Variants in LRP1B observed in about 807,000 individuals in gnomAD.
The protein encoded by LRP1B is low-density lipoprotein receptor-related protein 1B.
Under a neutral mutation model 556.6 loss-of-function variants are expected in LRP1B, and 217 were observed. The observed-to-expected ratio is 0.39, with a 90% CI of 0.35 to 0.44. The LOEUF (loss-of-function observed/expected upper bound fraction) is 0.44. Ranked by LOEUF, LRP1B falls within the 20% of genes least tolerant of loss-of-function variation. The pLI, the probability that LRP1B is intolerant of heterozygous loss-of-function variation, is 1.00. For missense variants in LRP1B, 5,053 were observed against 5,620.8 expected (o/e 0.90, Z 3.23); for synonymous variants, 2,047 against 1,865.8 (o/e 1.10, Z -2.50).
At chr2:140,773,294 G>A (rs958972824) in intron 33 of LRP1B, among the ~76,000 whole-genome samples, 17 of 152,092 alleles carry the variant, frequency 1.1e-4, no homozygotes, top group Middle Eastern at 3.4e-3. Context: ...GTGAAACCCC[G>A]TCTCTGCTAA....
intron 35 of LRP1B, among the ~76,000 whole-genome samples, chr2:140,765,097 AGGG>A (rs1689055632): frequency 6.6e-6 from 1 of 152,052 alleles, no homozygotes; most frequent in African/African-American, 2.4e-5. Context: ...CCAAAGTGCT[AGGG>A]TTACAGGTAT....
chr2:140,356,580 A>C, intron 74 of LRP1B, 104 bp from the exon 75 acceptor site: 1 of 739,682 alleles, frequency 1.4e-6, no homozygotes, highest in African/African-American at 1.8e-5. Context: ...TCCACAGATA[A>C]CTCTTTTTGA....
chr2:140,340,612 T>C (rs963862564), intron 77 of LRP1B, among the ~76,000 whole-genome samples: 1 of 151,520 alleles, frequency 6.6e-6, no homozygotes, highest in Non-Finnish European at 1.5e-5. Flanking sequence ...CAGGGTTACC[T>C]GAGAGTAAAC....
intron 2 of LRP1B, among the ~76,000 whole-genome samples, chr2:141,514,988 G>A (rs933002646): frequency 7.8e-5 from 10 of 127,574 alleles, no homozygotes; most frequent in African/African-American, 1.4e-4. Flanking sequence ...ACACTTAGGC[G>A]TTAGGCCACC....
intron 7 of LRP1B, among the ~76,000 whole-genome samples, chr2:141,087,988 G>C (rs375226556): frequency 3.9e-5 from 6 of 152,182 alleles, no homozygotes; most frequent in Admixed American, 1.3e-4. Flanking sequence ...ATATGGAATA[G>C]AGCACAACTT....
chr2:141,619,420 C>T (rs533742853), intron 2 of LRP1B, among the ~76,000 whole-genome samples: 9 of 152,206 alleles, frequency 5.9e-5, no homozygotes, highest in African/African-American at 2.2e-4. Context: ...ATGAACAATG[C>T]ATATGAGCGG....
chr2:141,102,146 C>T (rs922971655), intron 7 of LRP1B, among the ~76,000 whole-genome samples: 2 of 152,130 alleles, frequency 1.3e-5, no homozygotes, highest in South Asian at 2.1e-4. Context: ...ATCCAAGCCT[C>T]TCCACTCCCA....
chr2:141,635,426 A>T (rs1335613293), intron 2 of LRP1B, among the ~76,000 whole-genome samples: 2 of 152,172 alleles, frequency 1.3e-5, no homozygotes, highest in Non-Finnish European at 2.9e-5. Flanking sequence ...ATACAAAAAA[A>T]AGTCTGCTGT....
At position 141,049,129 on chromosome 2, in the gene LRP1B, A is replaced by C. The variant is rs1698964047; in HGVS notation, c.1646T>G (p.Met549Arg). The change falls in exon 11 of 91, where the codon ATG becomes AGG. Residue 549 changes from methionine (M) to arginine (R), a missense_variant. Physicochemically the swap from Met to Arg is moderately conservative, Grantham distance 91. This residue lies in a region of LRP1B where 3,619 missense variants were observed against 3,931.9 expected (regional missense o/e 0.92). Coordinates refer to ENST00000389484, the MANE Select transcript of LRP1B (RefSeq NM_018557.3). ...DLNTKIADEYMIPIENLVNPR... is the reference protein window; with the variant it reads ...DLNTKIADEYRIPIENLVNPR... ...GTTTACCAGATTTTCTATGGGGATC[A>C]TGTATTCATCAGCTATCTTGGTATT... The C allele has an allele frequency of 6.2e-7, 1 of 1,613,468 alleles. No individual in the cohort carries two copies. The highest frequency in any genetic ancestry group is 1.7e-5 in the Admixed American group (1 of 59,922).
intron 3 of LRP1B, among the ~76,000 whole-genome samples, chr2:141,400,047 G>T (rs544735059): frequency 6.6e-6 from 1 of 152,150 alleles, no homozygotes; most frequent in East Asian, 1.9e-4. Flanking sequence ...GCGCAGTGGG[G>T]TGATCACGTC....
intron 2 of LRP1B, among the ~76,000 whole-genome samples, chr2:141,749,042 G>A (rs1313283071): frequency 6.6e-6 from 1 of 152,090 alleles, no homozygotes; most frequent in Non-Finnish European, 1.5e-5. Flanking sequence ...CTAAGAATGG[G>A]ATGGAGATAT....
intron 7 of LRP1B, among the ~76,000 whole-genome samples, chr2:141,168,073 G>A (rs186146520): frequency 1.2e-4 from 18 of 152,142 alleles, no homozygotes; most frequent in Admixed American, 1.3e-4. Flanking sequence ...AAACAGAAGC[G>A]ATGGGAATCA....
chr2:141,289,071 T>G (rs1307983868), intron 3 of LRP1B, among the ~76,000 whole-genome samples: 1 of 152,090 alleles, frequency 6.6e-6, no homozygotes, highest in African/African-American at 2.4e-5. Flanking sequence ...GATAAATAAG[T>G]AGTTGTAGAT....
At chr2:140,330,436 G>C (rs756634357) in intron 79 of LRP1B, among the ~76,000 whole-genome samples, 4 of 151,812 alleles carry the variant, frequency 2.6e-5, no homozygotes, top group Non-Finnish European at 5.9e-5. Context: ...ACAACCATCT[G>C]ATTTTCAACA....
chr2:141,195,177 T>C (rs1365404427), intron 6 of LRP1B, among the ~76,000 whole-genome samples: 1 of 152,070 alleles, frequency 6.6e-6, no homozygotes, highest in Non-Finnish European at 1.5e-5. Flanking sequence ...TCTCTCTCTC[T>C]TTGGATCACT....
chr2:141,366,142 A>G (rs1208010732), intron 3 of LRP1B, among the ~76,000 whole-genome samples: 2 of 152,228 alleles, frequency 1.3e-5, no homozygotes, highest in Non-Finnish European at 2.9e-5. Flanking sequence ...CTACAGATAT[A>G]TCTCAAAATT....
chr2:141,334,904 A>C (rs1172736261), intron 3 of LRP1B, among the ~76,000 whole-genome samples: 1 of 152,168 alleles, frequency 6.6e-6, no homozygotes, highest in Non-Finnish European at 1.5e-5. Context: ...TTACTGAGTA[A>C]GGCTACTTGT....
At chr2:141,555,053 C>A (rs1685911203) in intron 2 of LRP1B, among the ~76,000 whole-genome samples, 2 of 151,954 alleles carry the variant, frequency 1.3e-5, no homozygotes, top group Non-Finnish European at 2.9e-5. Context: ...GGGGAAGATG[C>A]CCAGACGTTC....
intron 3 of LRP1B, among the ~76,000 whole-genome samples, chr2:141,408,712 T>G (rs1690736678): frequency 6.6e-6 from 1 of 152,056 alleles, no homozygotes; most frequent in African/African-American, 2.4e-5. Context: ...GTTACTCTAT[T>G]AAACACTGAT....
Sources: gnomAD v4.1 joint callset for allele counts (sites outside exome capture counted in the v4.1 genomes callset) on GRCh38, gnomAD v4.1.1 for gene constraint, gnomAD v4.1.1 regional missense constraint, MANE v1.5 for transcripts, NCBI Gene and HGNC (gene_info 2026-07-23, HGNC 2026-07-21) for gene names.